MME: variants seen among roughly 807,000 people sequenced by gnomAD.
The protein encoded by MME is membrane metalloendopeptidase.
Under a neutral mutation model 113.2 loss-of-function variants are expected in MME, and 98 were observed. The observed-to-expected ratio is 0.87, with a 90% CI of 0.74 to 1.02. The LOEUF (loss-of-function observed/expected upper bound fraction) is 1.02. Among genes scored for constraint, MME ranks in the 50% least tolerant of loss-of-function variants. The probability of loss-of-function intolerance (pLI) is 0.00; values close to 1 mark genes in which losing one functional copy is unlikely to be tolerated. For missense variants in MME, 836 were observed against 896.0 expected (o/e 0.93, Z 0.86); for synonymous variants, 292 against 300.6 (o/e 0.97, Z 0.30).
intron 3 of MME, among the ~76,000 whole-genome samples, chr3:155,094,978 G>A (rs1242065580): frequency 6.6e-6 from 1 of 152,204 alleles, no homozygotes; most frequent in African/African-American, 2.4e-5. Flanking sequence ...CTCCGCCTCA[G>A]ACCTACTGAA....
At chr3:155,098,992 G>T (rs1716981654) in intron 3 of MME, among the ~76,000 whole-genome samples, 2 of 152,100 alleles carry the variant, frequency 1.3e-5, no homozygotes, top group South Asian at 4.1e-4. Context: ...GTGAGGCGGG[G>T]ATGGTTGACT....
chr3:155,073,779 C>A (rs1714657943), intron 1 of MME, among the ~76,000 whole-genome samples: 1 of 151,802 alleles, frequency 6.6e-6, no homozygotes, highest in Non-Finnish European at 1.5e-5. Flanking sequence ...TATATTTATA[C>A]CAATGCCTAT....
intron 3 of MME, among the ~76,000 whole-genome samples, chr3:155,109,817 A>T (rs1718035398): frequency 6.6e-6 from 1 of 152,202 alleles, no homozygotes; most frequent in African/African-American, 2.4e-5. Flanking sequence ...CTGTCCTAAA[A>T]CATATTTCTG....
At chr3:155,044,385 G>A (rs971739716) in intron 1 of MME, among the ~76,000 whole-genome samples, 2 of 151,792 alleles carry the variant, frequency 1.3e-5, no homozygotes, top group East Asian at 1.9e-4. Context: ...CACCTGCCTC[G>A]GCCTCCCAGA....
intron 16 of MME, among the ~76,000 whole-genome samples, chr3:155,151,978 T>C (rs944012170): frequency 6.6e-5 from 10 of 151,954 alleles, no homozygotes; most frequent in African/African-American, 2.4e-4. Flanking sequence ...AGAGATTTTT[T>C]TGAAGACACA....
intron 1 of MME, among the ~76,000 whole-genome samples, chr3:155,027,883 A>T (rs562927168): frequency 6.6e-6 from 1 of 152,234 alleles, no homozygotes; most frequent in African/African-American, 2.4e-5. Context: ...TTGACTGAAT[A>T]AATGAAATAA....
At chr3:155,093,277 T>A (rs1716444141) in intron 3 of MME, among the ~76,000 whole-genome samples, 2 of 152,190 alleles carry the variant, frequency 1.3e-5, no homozygotes, top group African/African-American at 4.8e-5. Context: ...CCTCTATTAT[T>A]TAATTATATT....
intron 1 of MME, among the ~76,000 whole-genome samples, chr3:155,054,823 C>G (rs888662638): frequency 5.9e-5 from 9 of 152,076 alleles, no homozygotes; most frequent in African/African-American, 2.2e-4. Flanking sequence ...GTCTCAAAAA[C>G]CAAAACAAGC....
rs1047105484 is a variant in MME, at chr3:155,084,448, G to T, written c.160+121G>T. 42 of 974,232 alleles carry T rather than the reference G, an allele frequency of 4.3e-5. 1 individual carries two copies. The Admixed American group carries it at 8.5e-4, about 20-fold the overall frequency. 60.3% of individuals were successfully genotyped at this position (974,232 alleles called of 1,614,324 possible). A position where few individuals can be genotyped will look rare whatever the true frequency, so the allele number is the denominator to read the frequency against. On this transcript the variant is annotated intron_variant, in intron 2 of 22. Transcript: ENST00000360490. ...AGAGGCACTTAAAGACTGACAAAGAGATTCATTTATAAAATGTAACATCAA... is the reference window on the plus strand; with the variant it reads ...AGAGGCACTTAAAGACTGACAAAGATATTCATTTATAAAATGTAACATCAA...
chr3:155,088,178 C>G (rs1715928913), intron 3 of MME, among the ~76,000 whole-genome samples: 1 of 151,550 alleles, frequency 6.6e-6, no homozygotes, highest in Non-Finnish European at 1.5e-5. Flanking sequence ...CATGGATACA[C>G]TCTGCATACT....
chr3:155,104,985 T>C (rs1717569353), intron 3 of MME, among the ~76,000 whole-genome samples: 1 of 152,156 alleles, frequency 6.6e-6, no homozygotes, highest in Admixed American at 6.5e-5. Context: ...AACTTAACTG[T>C]AACACAGTTA....
intron 22 of MME, among the ~76,000 whole-genome samples, chr3:155,176,654 C>T (rs768414330): frequency 1.3e-5 from 2 of 151,906 alleles, no homozygotes; most frequent in Non-Finnish European, 1.5e-5. Flanking sequence ...AGTGGGACCT[C>T]GTCTCTATTA....
intron 18 of MME, among the ~76,000 whole-genome samples, chr3:155,167,366 T>A (rs2108363696): frequency 6.6e-6 from 1 of 152,250 alleles, no homozygotes; most frequent in African/African-American, 2.4e-5. Flanking sequence ...TGCATGTCTA[T>A]GTCTTAAAAT....
At chr3:155,100,412 G>A (rs1322882258) in intron 3 of MME, among the ~76,000 whole-genome samples, 1 of 152,204 alleles carries the variant, frequency 6.6e-6, no homozygotes, top group African/African-American at 2.4e-5. Context: ...ACAGGTGCTG[G>A]AGAGGATGTG....
At chr3:155,083,207 G>A (rs191342114) in intron 1 of MME, among the ~76,000 whole-genome samples, 6 of 152,278 alleles carry the variant, frequency 3.9e-5, no homozygotes, top group East Asian at 3.9e-4. Flanking sequence ...GACCAAATGT[G>A]TTCTTTACAA....
At chr3:155,151,811 GT>G (rs1559953264) in intron 16 of MME, among the ~76,000 whole-genome samples, 1 of 151,892 alleles carries the variant, frequency 6.6e-6, no homozygotes, top group African/African-American at 2.4e-5. Flanking sequence ...TAAATATTAC[GT>G]AGGAATGGGA....
intron 3 of MME, chr3:155,090,054 G>A (rs774356228): frequency 3.8e-6 from 1 of 263,398 alleles, no homozygotes; most frequent in Non-Finnish European, 8.0e-6. Flanking sequence ...GAGAAGCCAA[G>A]CTAAGACGTG....
intron 1 of MME, chr3:155,083,495 G>T (rs1715359534): frequency 6.5e-6 from 1 of 152,932 alleles, no homozygotes; most frequent in Admixed American, 6.5e-5. Flanking sequence ...GGTTAGGTTG[G>T]ATATTCAGGT....
chr3:155,172,085 A>G, intron 20 of MME, 32 bp from the exon 21 acceptor site: 1 of 1,222,860 alleles, frequency 8.2e-7, no homozygotes, highest in Non-Finnish European at 1.2e-6. Flanking sequence ...AGGAATTAAT[A>G]TTATTGTTTT....
Sources: gnomAD v4.1 joint callset for allele counts (sites outside exome capture counted in the v4.1 genomes callset) on GRCh38, gnomAD v4.1.1 for gene constraint, MANE v1.5 for transcripts, NCBI Gene and HGNC (gene_info 2026-07-23, HGNC 2026-07-21) for gene names.